Variants in NT5C3A observed in about 807,000 individuals in gnomAD.
NT5C3A encodes 5'-nucleotidase, cytosolic IIIA.
NT5C3A carries 23 observed loss-of-function variants against 40.0 expected under a neutral mutation model. The ratio of observed to expected loss-of-function variants is 0.58; its 90% CI spans 0.41 to 0.81. The LOEUF (loss-of-function observed/expected upper bound fraction) is 0.81, where lower values mean the gene tolerates loss of function less well. NT5C3A is among the 40% of genes least tolerant of loss of function. The pLI is 0.00. For synonymous variants in NT5C3A, 130 were observed against 141.4 expected (o/e 0.92, Z 0.57); for missense variants, 328 against 403.0 (o/e 0.81, Z 1.59).
At chr7:33,018,869 A>G (rs1405499758) in intron 6 of NT5C3A, among the ~76,000 whole-genome samples, 1 of 152,126 alleles carries the variant, frequency 6.6e-6, no homozygotes, top group Non-Finnish European at 1.5e-5. Context: ...CTTGTATCTT[A>G]TAACTCATGC....
chr7:33,020,295 G>A lies in NT5C3A; in HGVS notation c.441-571C>T, dbSNP rs1160648262. Among the ~76,000 whole-genome samples the A allele has an allele frequency of 4.6e-5, 7 of 151,228 alleles. 1 individual carries two copies. In the Middle Eastern group the frequency reaches 0.017, roughly 367 times the overall value. ...CCACTAAAAACAGAAAGAAAGAAACGAAAAGAAAAAAAAGCCTAACTCTTC... is the reference window on the plus strand; with the variant it reads ...CCACTAAAAACAGAAAGAAAGAAACAAAAAGAAAAAAAAGCCTAACTCTTC... On this transcript the variant is annotated intron_variant, in intron 5 of 8. Coordinates refer to ENST00000610140, the MANE Select transcript of NT5C3A (RefSeq NM_001002010.5).
At chr7:33,044,570 C>G (rs1787069594) in intron 1 of NT5C3A, among the ~76,000 whole-genome samples, 1 of 152,170 alleles carries the variant, frequency 6.6e-6, no homozygotes, top group Admixed American at 6.5e-5. Flanking sequence ...GCGGCAAACT[C>G]TGGATCTGAA....
In NT5C3A at chr7:33,035,565, T is replaced by C. The variant is rs142822135; in HGVS notation, c.139-8650A>G. Among the ~76,000 whole-genome samples, 1,006 of 152,262 alleles carry C rather than the reference T, an allele frequency of 6.6e-3. 6 individuals carry two copies. Among genetic ancestry groups the C allele is most frequent in the Non-Finnish European group, 0.012 (787 of 68,008 alleles). On this transcript the variant is annotated intron_variant, in intron 1 of 8. Transcript: ENST00000610140. The stretch of plus-strand genomic sequence containing the variant: ...TCCTAGTATATATAATGCAACTCTA[T>C]TGTCATGCAAGTAAGTATTTTAAAA...
chr7:33,044,897 CA>C (rs1787084501), intron 1 of NT5C3A, among the ~76,000 whole-genome samples: 1 of 152,126 alleles, frequency 6.6e-6, no homozygotes, highest in Non-Finnish European at 1.5e-5. Context: ...AACATTGAGA[CA>C]GGGAAGTAAA....
intron 1 of NT5C3A, among the ~76,000 whole-genome samples, chr7:33,060,368 T>C: frequency 8.6e-6 from 1 of 116,140 alleles, no homozygotes; most frequent in African/African-American, 3.4e-5. Context: ...TTGCTTTCCT[T>C]CTTTTTTTTT....
chr7:33,036,261 C>T (rs957302168), intron 1 of NT5C3A: 4 of 433,682 alleles, frequency 9.2e-6, no homozygotes, highest in African/African-American at 4.0e-5. Flanking sequence ...ATGGAAACAC[C>T]GGCGGCACAT....
chr7:33,042,089 C>A (rs1786943172), intron 1 of NT5C3A, among the ~76,000 whole-genome samples: 1 of 152,140 alleles, frequency 6.6e-6, no homozygotes, highest in Non-Finnish European at 1.5e-5. Flanking sequence ...GTAATCCCTG[C>A]ACTTTGGGAA....
chr7:33,045,215 G>A (rs1211671524), intron 1 of NT5C3A, among the ~76,000 whole-genome samples: 1 of 152,150 alleles, frequency 6.6e-6, no homozygotes, highest in African/African-American at 2.4e-5. Flanking sequence ...CTTGCTAATT[G>A]CTGCATGATG....
At chr7:33,027,381 A>G (rs1266443513) in intron 1 of NT5C3A, among the ~76,000 whole-genome samples, 1 of 152,196 alleles carries the variant, frequency 6.6e-6, no homozygotes, top group East Asian at 1.9e-4. Context: ...CCACATTACC[A>G]TTTATACACA....
intron 8 of NT5C3A, 61 bp downstream of exon 8, chr7:33,015,609 T>C (rs72555748): frequency 0.029 from 31,247 of 1,082,974 alleles, 948 homozygotes; most frequent in South Asian, 0.12. Context: ...ATGGCAACAA[T>C]TGCCTATCAA....
chr7:33,039,724 C>T (rs544886002), intron 1 of NT5C3A, among the ~76,000 whole-genome samples: 6 of 151,612 alleles, frequency 4.0e-5, no homozygotes, highest in South Asian at 4.2e-4. Flanking sequence ...GAAACACACA[C>T]GCTGCAAAGT....
intron 1 of NT5C3A, among the ~76,000 whole-genome samples, chr7:33,031,806 G>A (rs1339608508): frequency 6.6e-6 from 1 of 151,720 alleles, no homozygotes; most frequent in African/African-American, 2.4e-5. Context: ...TCATCTATAT[G>A]AGTTTCATTT....
chr7:33,015,626 T>C (rs745529320), intron 8 of NT5C3A, 44 bp downstream of exon 8: 2 of 1,272,852 alleles, frequency 1.6e-6, no homozygotes, highest in Non-Finnish European at 2.3e-6. Context: ...TCAAGTTTCA[T>C]CCTAATATTT....
In NT5C3A at chr7:33,026,516, G is replaced by A. The variant is rs182613833; in HGVS notation, c.237+301C>T. Among the ~76,000 whole-genome samples the A allele has an allele frequency of 3.4e-3, 523 of 151,982 alleles. 2 individuals are homozygous for A. Among genetic ancestry groups the A allele is most frequent in the African/African-American group, 0.012 (494 of 41,486 alleles). Reference sequence around the variant, plus strand: ...ATTACAGGCATGCGCCACCAGGCCCGGCTAATTTTTGTATTTTTTAGTAGA... The same window carrying A: ...ATTACAGGCATGCGCCACCAGGCCCAGCTAATTTTTGTATTTTTTAGTAGA... On this transcript the variant is annotated intron_variant, in intron 2 of 8. Transcript: ENST00000610140.
At chr7:33,025,872 T>C (rs1785898656) in intron 2 of NT5C3A, among the ~76,000 whole-genome samples, 2 of 152,166 alleles carry the variant, frequency 1.3e-5, no homozygotes, top group South Asian at 4.1e-4. Flanking sequence ...AGGAGATGAA[T>C]GAGTCGGCTT....
At chr7:33,026,007 G>T (rs1209827646) in intron 2 of NT5C3A, among the ~76,000 whole-genome samples, 1 of 152,156 alleles carries the variant, frequency 6.6e-6, no homozygotes, top group Non-Finnish European at 1.5e-5. Flanking sequence ...CCAACATGGC[G>T]AAACCCTGTC....
intron 6 of NT5C3A, 25 bp downstream of exon 6, chr7:33,019,610 A>G (rs1785515863): frequency 7.3e-7 from 1 of 1,360,640 alleles, no homozygotes; most frequent in Non-Finnish European, 1.1e-6. Context: ...GAACAATAAC[A>G]GCAAAAAACA....
chr7:33,033,893 T>A (rs1196907506), intron 1 of NT5C3A, among the ~76,000 whole-genome samples: 1 of 80,720 alleles, frequency 1.2e-5, no homozygotes, highest in East Asian at 3.1e-4. Flanking sequence ...TATATATATA[T>A]AATTTTTTTT....
chr7:33,062,439 C>G, intron 1 of NT5C3A, 129 bp downstream of exon 1: 1 of 837,448 alleles, frequency 1.2e-6, no homozygotes, highest in Non-Finnish European at 1.9e-6. Flanking sequence ...TAGCGAGATC[C>G]CAGCCTGACA....
Sources: allele counts gnomAD v4.1 joint callset (sites outside exome capture counted in the v4.1 genomes callset), GRCh38; gene constraint gnomAD v4.1.1; transcripts MANE v1.5; gene names NCBI Gene and HGNC (gene_info 2026-07-23, HGNC 2026-07-21).